Variants in EPB41L4B observed in about 807,000 individuals in gnomAD.
EPB41L4B encodes band 4.1-like protein 4B.
In EPB41L4B, 30 loss-of-function variants were observed where a neutral mutation model predicts 112.5. The ratio of observed to expected loss-of-function variants is 0.27; its 90% CI spans 0.20 to 0.36. EPB41L4B has a LOEUF of 0.36. Ranked by LOEUF, EPB41L4B falls within the 10% of genes least tolerant of loss-of-function variation. The pLI is 1.00. For missense variants in EPB41L4B, 1,024 were observed against 1,133.3 expected (o/e 0.90, Z 1.38); for synonymous variants, 408 against 439.7 (o/e 0.93, Z 0.90).
intron 15 of EPB41L4B, among the ~76,000 whole-genome samples, chr9:109,222,455 C>T (rs1833612493): frequency 6.6e-6 from 1 of 152,160 alleles, no homozygotes; most frequent in South Asian, 2.1e-4. Flanking sequence ...AGATGCCACT[C>T]ACCGACTACA....
chr9:109,193,886 G>A (rs375045139), intron 21 of EPB41L4B, among the ~76,000 whole-genome samples: 17 of 152,132 alleles, frequency 1.1e-4, no homozygotes, highest in African/African-American at 3.6e-4. Context: ...ACTATGGTTG[G>A]GGGGGAATCA....
chr9:109,294,827 C>T (rs747529258), intron 1 of EPB41L4B, among the ~76,000 whole-genome samples: 4 of 152,030 alleles, frequency 2.6e-5, no homozygotes, highest in African/African-American at 7.3e-5. Context: ...TTTCACCACA[C>T]TTTCTCGATA....
chr9:109,295,923 T>A (rs1836716775), intron 1 of EPB41L4B, among the ~76,000 whole-genome samples: 1 of 151,874 alleles, frequency 6.6e-6, no homozygotes. Flanking sequence ...ATGAAACAAA[T>A]TTGTGCCTCA....
chr9:109,205,974 A>G (rs915356235), intron 18 of EPB41L4B, among the ~76,000 whole-genome samples: 18 of 152,226 alleles, frequency 1.2e-4, no homozygotes, highest in Non-Finnish European at 2.4e-4. Context: ...AATAAAAGAC[A>G]TTTTGTAAGC....
At chr9:109,216,740 A>T (rs1361666291) in intron 16 of EPB41L4B, among the ~76,000 whole-genome samples, 182 bp downstream of exon 16, 3 of 152,134 alleles carry the variant, frequency 2.0e-5, no homozygotes, top group African/African-American at 7.2e-5. Flanking sequence ...CATAATCCCT[A>T]AAGTGCTTCT....
At chr9:109,194,418 T>C in intron 20 of EPB41L4B, 21 bp from the exon 21 acceptor site, 1 of 1,611,988 alleles carries the variant, frequency 6.2e-7, no homozygotes, top group Non-Finnish European at 8.5e-7. Context: ...TAAAAGCACA[T>C]GAAGCTCTGC....
intron 1 of EPB41L4B, among the ~76,000 whole-genome samples, chr9:109,314,614 G>T (rs10979820): frequency 0.079 from 11,473 of 144,926 alleles, 566 homozygotes; most frequent in East Asian, 0.15. Flanking sequence ...TTTGGGAAGG[G>T]TGTTCATTAC....
chr9:109,316,282 G>A (rs1258450069), intron 1 of EPB41L4B, among the ~76,000 whole-genome samples: 2 of 152,218 alleles, frequency 1.3e-5, no homozygotes, highest in African/African-American at 4.8e-5. Context: ...CCCATGGGCC[G>A]TTCCCTCCAA....
In EPB41L4B at chr9:109,311,215, C is replaced by T. The variant is rs1465613066; in HGVS notation, c.306+8926G>A. Among the ~76,000 whole-genome samples the T allele has an allele frequency of 9.9e-5, 15 of 152,222 alleles. No individual in the cohort carries two copies. In the East Asian group the frequency reaches 2.7e-3, roughly 27 times the overall value. On this transcript the variant is annotated intron_variant, in intron 1 of 25. Coordinates refer to ENST00000374566, the MANE Select transcript of EPB41L4B (RefSeq NM_019114.5). ...AAATTTTATGTTATTTATATTAATA[C>T]CATGATTTTCAAAAAAATTCATAAT...
At position 109,320,244 on chromosome 9, in the gene EPB41L4B, G is replaced by A. The variant is rs534016902; in HGVS notation, c.203C>T (p.Thr68Ile). Reference protein sequence around the residue: ...VFPAGGGPLLTGGAAVHISAA... With the variant: ...VFPAGGGPLLIGGAAVHISAA... ...GGAGATGTGCACGGCCGCGCCGCCG[G>A]TGAGCAGGGGCCCGCCGCCCGCCGG... The change falls in exon 1 of 26, where the codon ACC (threonine) becomes ATC (isoleucine). Residue 68 changes from threonine (T) to isoleucine (I), a missense_variant. Transcript: ENST00000374566. 3 of 1,254,762 alleles carry A rather than the reference G, an allele frequency of 2.4e-6. No individual in the cohort carries two copies. In the South Asian group the frequency reaches 1.0e-4, roughly 42 times the overall value. The allele number at this position is 1,254,762 out of a possible 1,614,324, so 77.7% of individuals were successfully genotyped here.
At chr9:109,206,113 A>C (rs939320513) in intron 18 of EPB41L4B, among the ~76,000 whole-genome samples, 2 of 152,210 alleles carry the variant, frequency 1.3e-5, no homozygotes. Context: ...AAGCATATAC[A>C]TTAGGTTTAT....
chr9:109,282,700 T>G (rs994054002), intron 1 of EPB41L4B, among the ~76,000 whole-genome samples: 9 of 151,920 alleles, frequency 5.9e-5, no homozygotes, highest in Non-Finnish European at 1.2e-4. Context: ...TCTCATTTCT[T>G]TTTTTTTGAA....
chr9:109,303,717 G>A (rs1255781251), intron 1 of EPB41L4B, among the ~76,000 whole-genome samples: 1 of 151,602 alleles, frequency 6.6e-6, no homozygotes, highest in African/African-American at 2.4e-5. Context: ...TGTTGCCCAG[G>A]CTGGTCTCGA....
intron 1 of EPB41L4B, among the ~76,000 whole-genome samples, chr9:109,307,015 G>GTTTTTTTTTTTTTT (rs534923556): frequency 2.4e-5 from 3 of 124,516 alleles, no homozygotes; most frequent in Non-Finnish European, 3.3e-5. Context: ...TGCTGCAGTT[G>GTTTTTTTTTTTTTT]TTTTTTTTTT....
chr9:109,258,396 A>G (rs1835061814), intron 6 of EPB41L4B, 99 bp from the exon 7 acceptor site: 9 of 1,276,382 alleles, frequency 7.1e-6, no homozygotes, highest in Non-Finnish European at 8.9e-6. Flanking sequence ...TATAAAGCAC[A>G]GCCCCCCGCC....
chr9:109,255,740 A>G (rs1834957422), intron 10 of EPB41L4B, 34 bp downstream of exon 10: 4 of 1,611,738 alleles, frequency 2.5e-6, no homozygotes, highest in African/African-American at 2.7e-5. Context: ...CAGGATTTTC[A>G]CAGCAAGGGG....
rs1450906342 is a variant in EPB41L4B, at chr9:109,320,844, G to T, written c.-398C>A. 6.8e-6 allele frequency: 1 copy of T among 146,150 alleles called. No individual in the cohort carries two copies. Among genetic ancestry groups the T allele is most frequent in the African/African-American group, 2.5e-5 (1 of 40,642 alleles). 9.1% of individuals were successfully genotyped at this position (146,150 alleles called of 1,614,324 possible). ...GCGGGCTGCTCCCGCGCCGCGCGCC[G>T]GCCGAGGGCCAGCCGGAGCAGGGCG... On this transcript the variant is annotated 5_prime_UTR_variant, in exon 1 of 26. Transcript: ENST00000374566.
chr9:109,283,952 G>A (rs1836170240), intron 1 of EPB41L4B, among the ~76,000 whole-genome samples: 1 of 150,712 alleles, frequency 6.6e-6, no homozygotes, highest in Non-Finnish European at 1.5e-5. Context: ...AAAAAAATTA[G>A]TTGGGCATGG....
At chr9:109,222,676 G>A (rs1471463227) in intron 15 of EPB41L4B, among the ~76,000 whole-genome samples, 2 of 152,182 alleles carry the variant, frequency 1.3e-5, no homozygotes, top group African/African-American at 4.8e-5. Flanking sequence ...TTCAGGGTGG[G>A]TGACAGAGGA....
Sources: allele counts gnomAD v4.1 joint callset (sites outside exome capture counted in the v4.1 genomes callset), GRCh38; gene constraint gnomAD v4.1.1; transcripts MANE v1.5; gene names NCBI Gene and HGNC (gene_info 2026-07-23, HGNC 2026-07-21).